The following GPR146 variants were observed in gnomAD, a reference collection of about 807,000 sequenced individuals.
The protein encoded by GPR146 is G-protein coupled receptor 146.
For missense variants in GPR146, 381 were observed against 213.9 expected (o/e 1.78, Z -4.87); for synonymous variants, 203 against 104.3 (o/e 1.95, Z -5.77).
intron 1 of GPR146, among the ~76,000 whole-genome samples, chr7:1,051,236 C>A (rs914178785): frequency 2.0e-5 from 3 of 152,250 alleles, no homozygotes; most frequent in Non-Finnish European, 4.4e-5. Flanking sequence ...CACTGTGTCC[C>A]AACCCCGGTC....
At chr7:1,054,993 C>T (rs1783572858) in intron 1 of GPR146, among the ~76,000 whole-genome samples, 1 of 152,194 alleles carries the variant, frequency 6.6e-6, no homozygotes, top group Non-Finnish European at 1.5e-5. Context: ...GCACACTGAA[C>T]ACCAGGGGCG....
intron 1 of GPR146, among the ~76,000 whole-genome samples, chr7:1,046,424 G>C (rs1172245832): frequency 6.6e-6 from 1 of 152,176 alleles, no homozygotes; most frequent in East Asian, 1.9e-4. Context: ...CAGCTCCTCT[G>C]CTCTCCAGGG....
intron 1 of GPR146, among the ~76,000 whole-genome samples, chr7:1,051,037 C>T (rs1783065874): frequency 6.6e-6 from 1 of 152,182 alleles, no homozygotes; most frequent in Non-Finnish European, 1.5e-5. Flanking sequence ...TGCGCAGCCC[C>T]GCAGATGGCT....
chr7:1,058,321 A>G lies in GPR146; in HGVS notation c.806A>G (p.His269Arg), dbSNP rs778920240. 4 of 776,944 alleles carry G rather than the reference A, an allele frequency of 5.1e-6. No individual in the cohort carries two copies. The highest frequency in any genetic ancestry group is 4.8e-6 in the Non-Finnish European group (2 of 418,100). 48.1% of individuals were successfully genotyped at this position (776,944 alleles called of 1,614,324 possible). A position where few individuals can be genotyped will look rare whatever the true frequency, so the allele number is the denominator to read the frequency against. Reference protein sequence around the residue: ...IISRGKPVDAHYLGLLHFVKD... With the variant: ...IISRGKPVDARYLGLLHFVKD... ...TCGCGAGGGAAGCCCGTGGACGCAC[A>G]CTACCTGGGGCTACTGCACTTTGTG... The change falls in exon 2 of 2, where the codon CAC becomes CGC. Residue 269 changes from histidine (H) to arginine (R), a missense_variant. Transcript: ENST00000444847.
Position 1,057,777 on chromosome 7 carries a change from C to G in GPR146, c.262C>G (p.Pro88Ala), listed in dbSNP as rs762636865. ...ALAPVHLLGPPSSRWALWSVG... is the reference protein window; with the variant it reads ...ALAPVHLLGPASSRWALWSVG... ...GGCCCCTGTGCACCTGCTCGGCCCCCCGAGCTCCCGGTGGGCGCTGTGGAG... is the reference window on the plus strand; with the variant it reads ...GGCCCCTGTGCACCTGCTCGGCCCCGCGAGCTCCCGGTGGGCGCTGTGGAG... Residue 88 changes from proline (P) to alanine (A), a missense_variant, in exon 2 of 2, where the codon CCG becomes GCG. Coordinates refer to ENST00000444847, the MANE Select transcript of GPR146 (RefSeq NM_001303473.2). 2.6e-6 allele frequency: 2 copies of G among 775,950 alleles called. No homozygotes were observed. The highest frequency in any genetic ancestry group is 4.8e-6 in the Non-Finnish European group (2 of 417,834). 48.1% of individuals were successfully genotyped at this position (775,950 alleles called of 1,614,324 possible).
rs758225061 is a variant in GPR146, at chr7:1,058,040, G to A, written c.525G>A (p.Ala175=). ...FYICSHVSTR[A]LECAKMQNAE... The stretch of plus-strand genomic sequence containing the variant: ...TCTGCAGCCATGTGTCCACCCGCGC[G>A]CTAGAGTGCGCCAAGATGCAGAACG... The change falls in exon 2 of 2, where the codon GCG becomes GCA. Residue 175 remains alanine (A), a synonymous_variant. Coordinates refer to ENST00000444847, the MANE Select transcript of GPR146 (RefSeq NM_001303473.2). The A allele has an allele frequency of 1.4e-5, 11 of 768,738 alleles. No individual in the cohort carries two copies. The highest frequency in any genetic ancestry group is 2.2e-5 in the Non-Finnish European group (9 of 417,988). 47.6% of individuals were successfully genotyped at this position (768,738 alleles called of 1,614,324 possible).
chr7:1,055,085 C>T (rs917918330), intron 1 of GPR146, among the ~76,000 whole-genome samples: 5 of 152,178 alleles, frequency 3.3e-5, no homozygotes, highest in African/African-American at 4.8e-5. Context: ...AGACAGGGGC[C>T]TGCGGGCAGA....
At chr7:1,054,119 A>G (rs1479516300) in intron 1 of GPR146, among the ~76,000 whole-genome samples, 1 of 152,218 alleles carries the variant, frequency 6.6e-6, no homozygotes, top group Non-Finnish European at 1.5e-5. Context: ...AACGTCCCCC[A>G]GAGCCCACGG....
At chr7:1,057,416 C>T (rs1003350507) in intron 1 of GPR146, 76 bp from the exon 2 acceptor site, 3 of 627,808 alleles carry the variant, frequency 4.8e-6, no homozygotes, top group Non-Finnish European at 8.7e-6. Context: ...GAGAAGGCAC[C>T]CCTGTACCTG....
intron 1 of GPR146, among the ~76,000 whole-genome samples, chr7:1,053,752 G>A (rs543594730): frequency 7.9e-5 from 12 of 152,276 alleles, no homozygotes; most frequent in East Asian, 3.9e-4. Flanking sequence ...GCTTGAACCC[G>A]GGAGGCGGAG....
At chr7:1,048,304 C>T (rs1782772873) in intron 1 of GPR146, among the ~76,000 whole-genome samples, 1 of 152,184 alleles carries the variant, frequency 6.6e-6, no homozygotes, top group Non-Finnish European at 1.5e-5. Flanking sequence ...AACTTCCCGA[C>T]TAACAGGGAC....
At chr7:1,050,659 G>T (rs1783021389) in intron 1 of GPR146, among the ~76,000 whole-genome samples, 1 of 152,260 alleles carries the variant, frequency 6.6e-6, no homozygotes, top group Non-Finnish European at 1.5e-5. Context: ...CGCAGCCTAG[G>T]AAGCATCTTC....
At chr7:1,056,507 A>G (rs2363279) in intron 1 of GPR146, 98,265 of 152,348 alleles carry the variant, frequency 0.65, 33,085 homozygotes, top group African/African-American at 0.84. Context: ...ATGCCTAGCC[A>G]CAGGGCCGTG....
chr7:1,049,862 G>A (rs1430159496), intron 1 of GPR146, among the ~76,000 whole-genome samples: 1 of 152,178 alleles, frequency 6.6e-6, no homozygotes, highest in African/African-American at 2.4e-5. Flanking sequence ...CCCGTGCGAG[G>A]AGCCCTGGGC....
At chr7:1,057,145 C>G (rs558518124) in intron 1 of GPR146, among the ~76,000 whole-genome samples, 1 of 152,102 alleles carries the variant, frequency 6.6e-6, no homozygotes, top group Non-Finnish European at 1.5e-5. Flanking sequence ...TAGTAAACTT[C>G]GGGAATCACT....
At chr7:1,053,360 C>A (rs948785070) in intron 1 of GPR146, among the ~76,000 whole-genome samples, 1 of 152,240 alleles carries the variant, frequency 6.6e-6, no homozygotes, top group Non-Finnish European at 1.5e-5. Flanking sequence ...AGGACAGGAC[C>A]CCGGCTAATG....
rs781579845 is a variant in GPR146, at chr7:1,058,262, C to T, written c.747C>T (p.His249=). The change falls in exon 2 of 2, where the codon CAC becomes CAT. Residue 249 remains histidine, a synonymous_variant. Coordinates refer to ENST00000444847, the MANE Select transcript of GPR146 (RefSeq NM_001303473.2). ...CGCAGTTTGGGCTCTGGACGCCACA[C>T]TATCTGATCCTGCTGGGGCACACGG... The part of the protein sequence containing the change: ...VCTQFGLWTP[H]YLILLGHTVI... 11 of 771,712 alleles carry T rather than the reference C, an allele frequency of 1.4e-5. No individual in the cohort carries two copies. The highest frequency in any genetic ancestry group is 1.3e-4 in the South Asian group (10 of 74,584). 47.8% of individuals were successfully genotyped at this position (771,712 alleles called of 1,614,324 possible).
chr7:1,055,218 G>C (rs1350974319), intron 1 of GPR146: 11 of 470,674 alleles, frequency 2.3e-5, no homozygotes, highest in African/African-American at 1.8e-4. Flanking sequence ...GTAAACAGCA[G>C]GAGGGAGGGG....
At chr7:1,053,644 A>G (rs1412351589) in intron 1 of GPR146, among the ~76,000 whole-genome samples, 1 of 152,164 alleles carries the variant, frequency 6.6e-6, no homozygotes. Context: ...CCTGGCCAAC[A>G]TGGAGAAACC....
Sources: allele counts gnomAD v4.1 joint callset (sites outside exome capture counted in the v4.1 genomes callset), GRCh38; gene constraint gnomAD v4.1.1; transcripts MANE v1.5; gene names NCBI Gene and HGNC (gene_info 2026-07-23, HGNC 2026-07-21).